PRKG1: variants seen among roughly 807,000 people sequenced by gnomAD.
The protein encoded by PRKG1 is protein kinase cGMP-dependent 1, also known as cGMP-dependent protein kinase 1.
A neutral mutation model predicts 88.1 loss-of-function variants in PRKG1; 35 were observed. The ratio of observed to expected loss-of-function variants is 0.40; its 90% CI spans 0.30 to 0.53. PRKG1 has a LOEUF of 0.53. Among genes scored for constraint, PRKG1 ranks in the 20% least tolerant of loss-of-function variants. PRKG1 has a pLI of 0.59. For synonymous variants in PRKG1, 303 were observed against 292.5 expected (o/e 1.04, Z -0.37); for missense variants, 540 against 839.8 (o/e 0.64, Z 4.41).
intron 9 of PRKG1, among the ~76,000 whole-genome samples, chr10:52,249,828 T>TA (rs1410192443): frequency 2.9e-5 from 4 of 140,308 alleles, no homozygotes; most frequent in African/African-American, 5.0e-5. Context: ...AGACTCTGTC[T>TA]AAAAAAAACA....
intron 3 of PRKG1, among the ~76,000 whole-genome samples, chr10:51,628,342 T>C (rs972228860): frequency 1.3e-5 from 2 of 151,316 alleles, no homozygotes; most frequent in Non-Finnish European, 2.9e-5. Context: ...TTTGTATTTT[T>C]TGTAGAAATG....
At chr10:51,733,061 T>A (rs1837161445) in intron 3 of PRKG1, among the ~76,000 whole-genome samples, 1 of 151,404 alleles carries the variant, frequency 6.6e-6, no homozygotes, top group Admixed American at 6.6e-5. Context: ...AAATAAAAAA[T>A]AAACAACAAC....
In PRKG1 at chr10:51,610,890, A is replaced by T. The variant is rs117403475; in HGVS notation, c.592+143054A>T. ...GGAACAACACACACTGGGGCCTATC[A>T]GGGCTTGGGGGGAAAGGGGAGGGAG... On this transcript the variant is annotated intron_variant, in intron 3 of 17. Transcript: ENST00000373980. Among the ~76,000 whole-genome samples the T allele has an allele frequency of 3.6e-3, 548 of 152,176 alleles. 8 individuals are homozygous for T. Among genetic ancestry groups the T allele is most frequent in the East Asian group, 0.025 (131 of 5,158 alleles).
chr10:52,132,065 A>G (rs1037506877), intron 7 of PRKG1, among the ~76,000 whole-genome samples: 1 of 152,040 alleles, frequency 6.6e-6, no homozygotes, highest in African/African-American at 2.4e-5. Flanking sequence ...ATAATATGCA[A>G]CATATAGGAA....
intron 10 of PRKG1, among the ~76,000 whole-genome samples, chr10:52,255,880 C>T (rs1386437836): frequency 2.0e-5 from 3 of 151,862 alleles, no homozygotes; most frequent in Admixed American, 1.3e-4. Flanking sequence ...ATAAAATAAC[C>T]TTTCATTTGA....
rs34900286 is a variant in PRKG1, at chr10:51,729,706, C to CAAAA, written c.593-74854_593-74851dup. ...TGGGCAACAGAGTGAGACTCCATCT[C>CAAAA]AAAAAAAAAAAAAAAAAAAAAAAAA... On this transcript the variant is annotated intron_variant, in intron 3 of 17. Transcript: ENST00000373980. Among the ~76,000 whole-genome samples, 57 of 28,766 alleles carry CAAAA rather than the reference C, an allele frequency of 2.0e-3. 7 individuals carry two copies. Among genetic ancestry groups the CAAAA allele is most frequent in the East Asian group, 5.5e-3 (2 of 366 alleles). The allele number at this position is 28,766 out of a possible 152,430, so 18.9% of individuals were successfully genotyped here.
At chr10:51,163,829 A>G (rs1003724649) in intron 2 of PRKG1, among the ~76,000 whole-genome samples, 3 of 152,190 alleles carry the variant, frequency 2.0e-5, no homozygotes, top group African/African-American at 4.8e-5. Flanking sequence ...GCAAGGCCGC[A>G]GCGAGGCTGG....
intron 3 of PRKG1, among the ~76,000 whole-genome samples, chr10:51,750,228 G>A (rs995484572): frequency 2.6e-5 from 4 of 152,022 alleles, no homozygotes; most frequent in Admixed American, 1.3e-4. Flanking sequence ...GAGCCACTGT[G>A]CCTGGCCTGT....
Position 51,462,506 on chromosome 10 carries a change from A to C in PRKG1, c.479-5217A>C, listed in dbSNP as rs552344942. Among the ~76,000 whole-genome samples, 4 of 152,296 alleles carry C rather than the reference A, an allele frequency of 2.6e-5. No individual in the cohort carries two copies. The East Asian group carries it at 7.7e-4, about 29-fold the overall frequency. ...CACAGAAGTAGATATGCTATAATGG[A>C]TCCCTTAATGCTTAACATCTTCCAA... is the stretch of plus-strand genomic sequence containing the variant. On this transcript the variant is annotated intron_variant, in intron 2 of 17. Transcript: ENST00000373980.
intron 2 of PRKG1, among the ~76,000 whole-genome samples, chr10:51,375,085 G>T (rs61849761): frequency 6.6e-6 from 1 of 152,104 alleles, no homozygotes; most frequent in Non-Finnish European, 1.5e-5. Context: ...TACTCTATTG[G>T]TTAGAATCAA....
At chr10:52,067,952 C>T (rs1477834645) in intron 7 of PRKG1, among the ~76,000 whole-genome samples, 1 of 104,968 alleles carries the variant, frequency 9.5e-6, no homozygotes, top group African/African-American at 2.7e-5. Flanking sequence ...CGCCTGTAAT[C>T]CCAGCACTTT....
intron 1 of PRKG1, among the ~76,000 whole-genome samples, chr10:51,110,794 T>C (rs1167574544): frequency 1.3e-5 from 2 of 152,034 alleles, no homozygotes; most frequent in Non-Finnish European, 2.9e-5. Context: ...GAATGAACTG[T>C]GAGGGAGAGG....
intron 9 of PRKG1, among the ~76,000 whole-genome samples, chr10:52,231,889 T>C (rs951013162): frequency 6.6e-6 from 1 of 152,234 alleles, no homozygotes; most frequent in African/African-American, 2.4e-5. Context: ...GGAAACAGAT[T>C]TGAACCTTTT....
intron 5 of PRKG1, among the ~76,000 whole-genome samples, chr10:51,950,165 C>A (rs1045642047): frequency 3.3e-5 from 5 of 152,176 alleles, no homozygotes; most frequent in African/African-American, 1.2e-4. Context: ...TGTCACAATG[C>A]CTTTTATTCA....
At chr10:52,079,790 T>C (rs1655662979) in intron 7 of PRKG1, among the ~76,000 whole-genome samples, 1 of 152,200 alleles carries the variant, frequency 6.6e-6, no homozygotes, top group South Asian at 2.1e-4. Flanking sequence ...AAAAAAATTC[T>C]GGTTTGAATT....
intron 5 of PRKG1, among the ~76,000 whole-genome samples, chr10:51,923,168 T>G (rs1842498075): frequency 6.6e-6 from 1 of 152,052 alleles, no homozygotes; most frequent in Non-Finnish European, 1.5e-5. Context: ...TCCTGATAAC[T>G]TTTCTTGCTG....
intron 9 of PRKG1, among the ~76,000 whole-genome samples, chr10:52,211,699 T>TAAAAAAA (rs57320498): frequency 2.4e-4 from 29 of 119,940 alleles, no homozygotes; most frequent in East Asian, 4.5e-4. Flanking sequence ...CCTATCCTGG[T>TAAAAAAA]AAAAAAAAAA....
At chr10:51,688,265 C>G (rs1211110827) in intron 3 of PRKG1, among the ~76,000 whole-genome samples, 1 of 152,078 alleles carries the variant, frequency 6.6e-6, no homozygotes, top group Non-Finnish European at 1.5e-5. Context: ...GCATTTCTAA[C>G]AGGCTCCCAG....
intron 3 of PRKG1, among the ~76,000 whole-genome samples, chr10:51,481,655 C>T (rs779573317): frequency 3.8e-4 from 58 of 152,046 alleles, no homozygotes; most frequent in Non-Finnish European, 1.2e-4. Flanking sequence ...TCATTATTGG[C>T]GTAATTCTCT....
Sources: gnomAD v4.1 joint callset for allele counts (sites outside exome capture counted in the v4.1 genomes callset) on GRCh38, gnomAD v4.1.1 for gene constraint, MANE v1.5 for transcripts, NCBI Gene and HGNC (gene_info 2026-07-23, HGNC 2026-07-21) for gene names.